Variants in PARD3B observed in about 807,000 individuals in gnomAD.
The protein encoded by PARD3B is par-3 family cell polarity regulator beta.
Under a neutral mutation model 130.2 loss-of-function variants are expected in PARD3B, and 103 were observed. That is an observed-to-expected ratio of 0.79 (90% confidence interval 0.67 to 0.93). The LOEUF (loss-of-function observed/expected upper bound fraction) is 0.93. Ranked by LOEUF, PARD3B falls within the 40% of genes least tolerant of loss-of-function variation. PARD3B has a pLI of 0.00. For synonymous variants in PARD3B, 583 were observed against 553.2 expected (o/e 1.05, Z -0.76); for missense variants, 1,609 against 1,499.2 (o/e 1.07, Z -1.21).
chr2:204,550,392 G>T (rs1170355036), intron 1 of PARD3B, among the ~76,000 whole-genome samples: 1 of 150,488 alleles, frequency 6.6e-6, no homozygotes, highest in Non-Finnish European at 1.5e-5. Context: ...GATGCGGAAT[G>T]CATGGATGCG....
intron 22 of PARD3B, among the ~76,000 whole-genome samples, chr2:205,570,136 C>G (rs933611813): frequency 6.6e-6 from 1 of 152,152 alleles, no homozygotes; most frequent in Non-Finnish European, 1.5e-5. Flanking sequence ...AGGAGCGGTT[C>G]TTAATCTGGG....
intron 21 of PARD3B, among the ~76,000 whole-genome samples, chr2:205,503,201 G>A (rs1575181679): frequency 6.6e-6 from 1 of 152,112 alleles, no homozygotes; most frequent in Admixed American, 6.6e-5. Flanking sequence ...GATCCAGCCA[G>A]GAATAGATCT....
At chr2:205,416,709 C>T (rs919735896) in intron 19 of PARD3B, among the ~76,000 whole-genome samples, 5 of 151,816 alleles carry the variant, frequency 3.3e-5, no homozygotes, top group African/African-American at 1.2e-4. Flanking sequence ...AAGATTGATG[C>T]ATTAAAAAAA....
chr2:205,167,426 G>A (rs1027159712), intron 11 of PARD3B, among the ~76,000 whole-genome samples: 2 of 151,942 alleles, frequency 1.3e-5, no homozygotes, highest in African/African-American at 4.8e-5. Context: ...AGGAGTCTAA[G>A]AACCCATAAA....
chr2:205,304,345 C>G (rs931067161), intron 18 of PARD3B, among the ~76,000 whole-genome samples: 82 of 152,212 alleles, frequency 5.4e-4, no homozygotes, highest in African/African-American at 1.8e-3. Context: ...TATTAAAAAA[C>G]AAAATTTTGG....
chr2:204,927,916 T>C (rs568073283), intron 2 of PARD3B, among the ~76,000 whole-genome samples: 53 of 152,150 alleles, frequency 3.5e-4, no homozygotes, highest in Non-Finnish European at 5.9e-4. Context: ...AATTTAAGCT[T>C]GTATCTAGAA....
At chr2:205,443,609 A>G (rs2047803115) in intron 20 of PARD3B, among the ~76,000 whole-genome samples, 1 of 152,250 alleles carries the variant, frequency 6.6e-6, no homozygotes, top group African/African-American at 2.4e-5. Flanking sequence ...TTAGTAAGAC[A>G]GGAGCAATTG....
chr2:204,583,703 C>T (rs555510284), intron 1 of PARD3B, among the ~76,000 whole-genome samples: 16 of 151,208 alleles, frequency 1.1e-4, no homozygotes, highest in East Asian at 3.9e-4. Flanking sequence ...GGACCACCTG[C>T]GTGAGAATCC....
intron 18 of PARD3B, among the ~76,000 whole-genome samples, chr2:205,312,396 A>G (rs2042420929): frequency 6.6e-6 from 1 of 152,210 alleles, no homozygotes; most frequent in African/African-American, 2.4e-5. Flanking sequence ...AGAGTTCTTA[A>G]TTCAACTTCA....
rs1243608758 is a variant in PARD3B, at chr2:205,300,905, A to G, written c.2392+169A>G. ...ATATGTTTTGCCCTTTGGCTTAATG[A>G]ACATGGAATTGGAGAACACAATATG... On this transcript the variant is annotated intron_variant, in intron 17 of 22. Transcript: ENST00000406610. This position sits in a 1 kb window ranked among gnomAD's most constrained non-coding sequence, Gnocchi z 4.1. Among the ~76,000 whole-genome samples, 1 of 152,266 alleles carries G rather than the reference A, an allele frequency of 6.6e-6. No homozygotes were observed. The highest frequency in any genetic ancestry group is 2.4e-5 in the African/African-American group (1 of 41,472).
rs1000834150 is a variant in PARD3B at position 205,463,458 on chromosome 2, A to C, written c.3044+22786A>C. ...TTCTTTAAAAAAAAAAAAAAAAAAA[A>C]ACCTGTCATTTAATTTTAAATGCTA... On this transcript the variant is annotated intron_variant, in intron 20 of 22. Transcript: ENST00000406610. This position sits in a 1 kb window ranked among gnomAD's most constrained non-coding sequence, Gnocchi z 4.8. Among the ~76,000 whole-genome samples, 5 of 149,396 alleles carry C rather than the reference A, an allele frequency of 3.3e-5. No homozygotes were observed. The highest frequency in any genetic ancestry group is 1.0e-4 in the African/African-American group (4 of 39,446).
intron 2 of PARD3B, among the ~76,000 whole-genome samples, chr2:204,790,999 G>A (rs1220045163): frequency 6.6e-6 from 1 of 152,046 alleles, no homozygotes; most frequent in Admixed American, 6.6e-5. Context: ...CAGCTACTCG[G>A]GAGGCTGAGG....
chr2:205,275,105 G>A (rs1240696613), intron 16 of PARD3B, among the ~76,000 whole-genome samples: 1 of 151,950 alleles, frequency 6.6e-6, no homozygotes, highest in Non-Finnish European at 1.5e-5. Context: ...CTGCTTGAGA[G>A]GGAAGTGACT....
chr2:205,163,792 A>C (rs940458815), intron 11 of PARD3B, among the ~76,000 whole-genome samples: 10 of 152,198 alleles, frequency 6.6e-5, no homozygotes, highest in Non-Finnish European at 1.5e-4. Context: ...TAGATCTATA[A>C]TTAATGAATT....
chr2:204,825,530 G>C (rs969208538), intron 2 of PARD3B, among the ~76,000 whole-genome samples: 8 of 152,200 alleles, frequency 5.3e-5, no homozygotes, highest in African/African-American at 1.9e-4. Flanking sequence ...TCAGTCATTA[G>C]CATGACTAGG....
intron 1 of PARD3B, among the ~76,000 whole-genome samples, chr2:204,563,749 C>T (rs191615446): frequency 6.6e-6 from 1 of 152,240 alleles, no homozygotes; most frequent in Admixed American, 6.5e-5. Context: ...TAAATTCTAT[C>T]TCATGTCACA....
At chr2:205,221,603 T>G (rs11894475) in intron 15 of PARD3B, among the ~76,000 whole-genome samples, 2,833 of 152,320 alleles carry the variant, frequency 0.019, 88 homozygotes, top group African/African-American at 0.062. Flanking sequence ...CCCTTGTATC[T>G]TCTTTCTAAT....
chr2:204,763,913 G>A (rs2041017800), intron 2 of PARD3B, among the ~76,000 whole-genome samples: 1 of 152,184 alleles, frequency 6.6e-6, no homozygotes, highest in Non-Finnish European at 1.5e-5. Context: ...TTTAATCTAT[G>A]TAATACTTAG....
At chr2:204,813,280 T>G (rs1240512073) in intron 2 of PARD3B, among the ~76,000 whole-genome samples, 1 of 152,196 alleles carries the variant, frequency 6.6e-6, no homozygotes, top group Admixed American at 6.5e-5. Flanking sequence ...TCCCTAATAA[T>G]AACGTTGAGC....
Sources: allele counts gnomAD v4.1 joint callset (sites outside exome capture counted in the v4.1 genomes callset), GRCh38; gene constraint gnomAD v4.1.1; non-coding constraint Gnocchi (gnomAD v3.1); transcripts MANE v1.5; gene names NCBI Gene and HGNC (gene_info 2026-07-23, HGNC 2026-07-21).